The following ATP11A variants were observed in gnomAD, a reference collection of about 807,000 sequenced individuals.
The protein encoded by ATP11A is phospholipid-transporting ATPase IH.
Under a neutral mutation model 154.4 loss-of-function variants are expected in ATP11A, and 81 were observed. The ratio of observed to expected loss-of-function variants is 0.52; its 90% CI spans 0.44 to 0.63. The LOEUF is 0.63. Ranked by LOEUF, ATP11A falls within the 30% of genes least tolerant of loss-of-function variation. The pLI, the probability that ATP11A is intolerant of heterozygous loss-of-function variation, is 0.00. For missense variants in ATP11A, 1,316 were observed against 1,474.3 expected, an observed-to-expected ratio of 0.89 and a Z score of 1.76; for synonymous variants, 623 against 585.9, an observed-to-expected ratio of 1.06 and a Z score of -0.91.
rs150791401 is a variant in ATP11A, at chr13:112,753,169, T to A, written c.40-31966T>A. ...CCCTCCGTCCCTTTGTACCTGCGTG[T>A]TATGTGGATGGCGTGCATGTGTCTG... On this transcript the variant is annotated intron_variant, in intron 1 of 29. Coordinates refer to ENST00000375645, the MANE Select transcript of ATP11A (RefSeq NM_015205.3). The surrounding 1 kb of genome is among the most constrained non-coding windows in gnomAD (Gnocchi z 4.1). 8.3e-4 allele frequency among the ~76,000 whole-genome samples: 127 copies of A among 152,262 alleles called. 3 individuals are homozygous for A. The East Asian group carries it at 0.022, about 27-fold the overall frequency.
intron 23 of ATP11A, among the ~76,000 whole-genome samples, chr13:112,860,017 C>A (rs557020907): frequency 6.6e-6 from 1 of 151,714 alleles, no homozygotes; most frequent in East Asian, 1.9e-4. Flanking sequence ...ATCAGAATTG[C>A]AAATGTTTTC....
intron 25 of ATP11A, among the ~76,000 whole-genome samples, chr13:112,866,400 A>G (rs2080334520): frequency 6.6e-6 from 1 of 151,946 alleles, no homozygotes; most frequent in African/African-American, 2.4e-5. Context: ...AGGGTGGCCC[A>G]TTGAGCCAGG....
intron 1 of ATP11A, among the ~76,000 whole-genome samples, chr13:112,725,432 C>T (rs1052233043): frequency 6.6e-6 from 1 of 152,182 alleles, no homozygotes; most frequent in African/African-American, 2.4e-5. Context: ...CATCGCCTGG[C>T]CCCTGCCACC....
intron 16 of ATP11A, 71 bp from the exon 17 acceptor site, chr13:112,842,201 TAATG>T: frequency 8.1e-7 from 1 of 1,233,400 alleles, no homozygotes; most frequent in Non-Finnish European, 1.2e-6. Context: ...TGTTTTTTAA[TAATG>T]GCATAATTTT....
At chr13:112,794,783 G>T (rs189259163) in intron 2 of ATP11A, among the ~76,000 whole-genome samples, 140 of 152,188 alleles carry the variant, frequency 9.2e-4, no homozygotes, top group Middle Eastern at 3.4e-3. Context: ...CAGGAAAATC[G>T]CTTGAACCCG....
rs1432519024 is a variant in ATP11A at position 112,858,412 on chromosome 13, CAGAA to C, written c.2667+125_2667+128del. The C allele has an allele frequency of 2.7e-5, 29 of 1,080,698 alleles. No homozygotes were observed. The Admixed American group carries it at 8.7e-4, about 32-fold the overall frequency. 66.9% of individuals were successfully genotyped at this position (1,080,698 alleles called of 1,614,324 possible). A position where few individuals can be genotyped will look rare whatever the true frequency, so the allele number is the denominator to read the frequency against. The stretch of plus-strand genomic sequence containing the variant: ...TTGATCTCCGAGGAGCAGCAACTGT[CAGAA>C]AGGAAGGGGTGAATCTGATTGCAGT... On this transcript the variant is annotated intron_variant, in intron 22 of 29. Transcript: ENST00000375645.
intron 1 of ATP11A, among the ~76,000 whole-genome samples, chr13:112,723,535 G>GTGCTGGGA (rs1235738133): frequency 6.6e-6 from 1 of 150,652 alleles, no homozygotes; most frequent in Non-Finnish European, 1.5e-5. Context: ...TCCTCCCCAA[G>GTGCTGGGA]TGCTGGGATT....
Position 112,878,208 on chromosome 13 carries a change from G to T in ATP11A, c.3328-9G>T. ...CCCTGTGTGCGTGGCCGCTGACCTC[G>T]GGACTAAGACTAAGAGCCAGTGCCT... On this transcript the variant is annotated splice_polypyrimidine_tract_variant and intron_variant, in intron 28 of 29. Coordinates refer to ENST00000375645, the MANE Select transcript of ATP11A (RefSeq NM_015205.3). 2 of 1,614,070 alleles carry T rather than the reference G, an allele frequency of 1.2e-6. No individual in the cohort carries two copies. The highest frequency in any genetic ancestry group is 4.5e-5 in the East Asian group (2 of 44,888).
intron 1 of ATP11A, among the ~76,000 whole-genome samples, chr13:112,773,219 TGCCCTGCCCC>T (rs1357557352): frequency 7.2e-5 from 11 of 152,002 alleles, no homozygotes; most frequent in African/African-American, 2.4e-4. Context: ...TGCCCTGCCC[TGCCCTGCCCC>T]ACCATCGCCA....
chr13:112,864,078 A>ACG (rs2080228385), intron 25 of ATP11A, among the ~76,000 whole-genome samples: 1 of 79,806 alleles, frequency 1.3e-5, no homozygotes, highest in Non-Finnish European at 2.5e-5. Context: ...AGTGCAGGCC[A>ACG]TGCAGCTTCT....
At chr13:112,876,577 C>T (rs761033637) in intron 28 of ATP11A, among the ~76,000 whole-genome samples, 36 of 152,272 alleles carry the variant, frequency 2.4e-4, no homozygotes, top group African/African-American at 6.5e-4. Context: ...CTCAGAGGGC[C>T]GCTGCACCTG....
chr13:112,847,078 C>G (rs2079630617), intron 17 of ATP11A, among the ~76,000 whole-genome samples: 2 of 152,214 alleles, frequency 1.3e-5, no homozygotes, highest in African/African-American at 4.8e-5. Context: ...CAGGTCTGCC[C>G]CATAACTCAG....
At chr13:112,869,780 C>A (rs1418676346) in intron 25 of ATP11A, among the ~76,000 whole-genome samples, 1 of 152,242 alleles carries the variant, frequency 6.6e-6, no homozygotes, top group Non-Finnish European at 1.5e-5. Context: ...CCTTGCTGGC[C>A]ACATGTGCTT....
chr13:112,833,011 A>C lies in ATP11A; in HGVS notation c.1547A>C (p.Glu516Ala), dbSNP rs776085374. Residue 516 changes from glutamate to alanine, a missense_variant, in exon 14 of 30, where the codon GAA (glutamate) becomes GCA (alanine). Around this residue, in one of 5 missense-constraint regions of ATP11A, gnomAD observed 876 missense variants for 1,006.8 expected, o/e 0.87. Transcript: ENST00000375645. Reference protein sequence around the residue: ...SSSPDEVALVEGVQRLGFTYL... With the variant: ...SSSPDEVALVAGVQRLGFTYL... ...TCGCCCGACGAGGTGGCGCTGGTCGAAGGTGTCCAGAGGTACGTCGCGGGC... is the reference window on the plus strand; with the variant it reads ...TCGCCCGACGAGGTGGCGCTGGTCGCAGGTGTCCAGAGGTACGTCGCGGGC... 1 of 1,612,696 alleles carries C rather than the reference A, an allele frequency of 6.2e-7. No homozygotes were observed. The highest frequency in any genetic ancestry group is 8.5e-7 in the Non-Finnish European group (1 of 1,179,616).
chr13:112,859,318 G>T lies in ATP11A; in HGVS notation c.2668-75G>T. 1.6e-6 allele frequency: 2 copies of T among 1,220,382 alleles called. No homozygotes were observed. The highest frequency in any genetic ancestry group is 2.4e-6 in the Non-Finnish European group (2 of 821,848). 75.6% of individuals were successfully genotyped at this position (1,220,382 alleles called of 1,614,324 possible). On this transcript the variant is annotated intron_variant, in intron 22 of 29. Coordinates refer to ENST00000375645, the MANE Select transcript of ATP11A (RefSeq NM_015205.3). The surrounding 1 kb of genome is among the most constrained non-coding windows in gnomAD (Gnocchi z 4.3). ...ACGTGGATCCCTCCTCCCATGTGGG[G>T]TGGGCCACGTCGGTAGGTGGCGGCT...
At position 112,842,297 on chromosome 13, in the gene ATP11A, A is replaced by G. The variant is rs746529022; in HGVS notation, c.1727A>G (p.Lys576Arg). ...GTAGGAGAAATTTATCTGTTTTGCAAAGGAGCAGATTCTTCGATATTCCCC... is the reference window on the plus strand; with the variant it reads ...GTAGGAGAAATTTATCTGTTTTGCAGAGGAGCAGATTCTTCGATATTCCCC... Reference protein sequence around the residue: ...SATGEIYLFCKGADSSIFPRV... With the variant: ...SATGEIYLFCRGADSSIFPRV... The change falls in exon 17 of 30, where the codon AAA becomes AGA. Residue 576 changes from lysine (K) to arginine (R), a missense_variant. Around this residue, in one of 5 missense-constraint regions of ATP11A, gnomAD observed 876 missense variants for 1,006.8 expected, o/e 0.87. Coordinates refer to ENST00000375645, the MANE Select transcript of ATP11A (RefSeq NM_015205.3). The G allele has an allele frequency of 1.2e-6, 2 of 1,611,286 alleles. No individual in the cohort carries two copies. Among genetic ancestry groups the G allele is most frequent in the Non-Finnish European group, 1.7e-6 (2 of 1,178,636 alleles).
At chr13:112,857,720 A>C in intron 20 of ATP11A, 98 bp from the exon 21 acceptor site, 1 of 981,714 alleles carries the variant, frequency 1.0e-6, no homozygotes. Context: ...TTATTTGCCT[A>C]GGCTAACTTT....
At chr13:112,766,551 G>T (rs1319681653) in intron 1 of ATP11A, among the ~76,000 whole-genome samples, 1 of 152,116 alleles carries the variant, frequency 6.6e-6, no homozygotes, top group African/African-American at 2.4e-5. Context: ...GACTGGCCCG[G>T]CAGTGTCTTC....
In ATP11A at chr13:112,875,870, A is replaced by G. The variant is rs759657922; in HGVS notation, c.3256A>G (p.Ser1086Gly). The G allele has an allele frequency of 6.2e-7, 1 of 1,613,930 alleles. No homozygotes were observed. The highest frequency in any genetic ancestry group is 8.5e-7 in the Non-Finnish European group (1 of 1,180,026). Residue 1086 changes from serine (S) to glycine (G), a missense_variant, in exon 28 of 30, where the codon AGC becomes GGC. By Grantham distance (56) the Ser-to-Gly change is moderately conservative. Coordinates refer to ENST00000375645, the MANE Select transcript of ATP11A (RefSeq NM_015205.3). This position sits in a 1 kb window ranked among gnomAD's most constrained non-coding sequence, Gnocchi z 4.1. ...GGCCATCGTGCTGCTGGTGACCATC[A>G]GCCTCCTTCCCGACGTCCTCAAGAA... is the stretch of plus-strand genomic sequence containing the variant. ...WLAIVLLVTI[S>G]LLPDVLKKVL...
Sources: gnomAD v4.1 joint callset for allele counts (sites outside exome capture counted in the v4.1 genomes callset) on GRCh38, gnomAD v4.1.1 for gene constraint, gnomAD v4.1.1 regional missense constraint, Gnocchi (gnomAD v3.1) non-coding constraint, MANE v1.5 for transcripts, NCBI Gene and HGNC (gene_info 2026-07-23, HGNC 2026-07-21) for gene names.